The following AR variants were observed in gnomAD, a reference collection of about 807,000 sequenced individuals.
AR encodes the protein dihydrotestosterone receptor.
In AR, 8 loss-of-function variants were observed where a neutral mutation model predicts 53.9. The observed-to-expected ratio is 0.15, with a 90% CI of 0.09 to 0.27. The LOEUF is 0.27. Among genes scored for constraint, AR ranks in the 10% least tolerant of loss-of-function variants. AR has a pLI of 1.00. For synonymous variants in AR, 359 were observed against 316.4 expected, an observed-to-expected ratio of 1.13 and a Z score of -1.43; for missense variants, 639 against 742.5, an observed-to-expected ratio of 0.86 and a Z score of 1.62.
chrX:67,554,074 C>T lies in AR; in HGVS notation c.1616+7312C>T, dbSNP rs185884999. On this transcript the variant is annotated intron_variant, in intron 1 of 7. Transcript: ENST00000374690. ...TCGAACTGGTAATCCCATCCCCTTTCGGGATGAATAGGAGAGTGTTTTTAA... is the reference window on the plus strand; with the variant it reads ...TCGAACTGGTAATCCCATCCCCTTTTGGGATGAATAGGAGAGTGTTTTTAA... Among the ~76,000 whole-genome samples the T allele has an allele frequency of 1.4e-4, 16 of 112,049 alleles. No homozygotes were observed. The East Asian group carries it at 3.7e-3, about 26-fold the overall frequency.
At chrX:67,666,148 A>G (rs781020780) in intron 2 of AR, among the ~76,000 whole-genome samples, 1 of 111,096 alleles carries the variant, frequency 9.0e-6, no homozygotes, top group Non-Finnish European at 1.9e-5. Context: ...GCTATCAAAT[A>G]CTAGATCTTA....
At position 67,711,085 on chromosome X, in the gene AR, G is replaced by A. The variant is rs191860976; in HGVS notation, c.1886-317G>A. Among the ~76,000 whole-genome samples the A allele has an allele frequency of 2.3e-3, 262 of 111,941 alleles. 1 individual carries two copies. The highest frequency in any genetic ancestry group is 4.6e-3 in the Middle Eastern group (1 of 217). On this transcript the variant is annotated intron_variant, in intron 3 of 7. Coordinates refer to ENST00000374690, the MANE Select transcript of AR (RefSeq NM_000044.6). ...GAATCATTAATATATTAGTAAATAC[G>A]TTAATTAAAGTTCCAGGTATGAATA...
chrX:67,562,185 A>G (rs748296621), intron 1 of AR, among the ~76,000 whole-genome samples: 6 of 109,288 alleles, frequency 5.5e-5, no homozygotes, highest in Non-Finnish European at 1.1e-4. Flanking sequence ...GCTGGTCTCA[A>G]ACTCCTGACT....
chrX:67,671,484 G>A (rs771518231), intron 2 of AR, among the ~76,000 whole-genome samples: 16 of 112,303 alleles, frequency 1.4e-4, no homozygotes, highest in Non-Finnish European at 3.0e-4. Flanking sequence ...GTTCCTTGTC[G>A]ATTCTGGATA....
intron 1 of AR, among the ~76,000 whole-genome samples, chrX:67,572,943 C>A (rs1212397757): frequency 2.7e-5 from 3 of 111,665 alleles, no homozygotes; most frequent in Non-Finnish European, 5.7e-5. Context: ...TTAATGCTCA[C>A]AATAGCCGAA....
chrX:67,612,956 TC>T (rs890312067), intron 1 of AR, among the ~76,000 whole-genome samples: 1 of 111,449 alleles, frequency 9.0e-6, no homozygotes, highest in African/African-American at 3.3e-5. Flanking sequence ...CTCTTTTTTT[TC>T]CCCCAGCCCT....
intron 2 of AR, among the ~76,000 whole-genome samples, chrX:67,679,213 A>C (rs1261884031): frequency 2.7e-5 from 3 of 111,347 alleles, no homozygotes; most frequent in Non-Finnish European, 5.7e-5. Flanking sequence ...TAAGGCCTTA[A>C]GTATTAAAGT....
chrX:67,661,934 C>A (rs1231303000), intron 2 of AR, among the ~76,000 whole-genome samples: 1 of 111,625 alleles, frequency 9.0e-6, no homozygotes, highest in Non-Finnish European at 1.9e-5. Flanking sequence ...GTGTATGTGT[C>A]GAGGAATTTA....
chrX:67,707,053 G>C (rs888182360), intron 3 of AR, among the ~76,000 whole-genome samples: 1 of 111,921 alleles, frequency 8.9e-6, no homozygotes, highest in Non-Finnish European at 1.9e-5. Context: ...TTGCTGAGGA[G>C]TGTTTTACTT....
intron 1 of AR, among the ~76,000 whole-genome samples, chrX:67,635,861 C>T (rs1925406123): frequency 9.0e-6 from 1 of 111,344 alleles, no homozygotes; most frequent in Non-Finnish European, 1.9e-5. Context: ...TAAGAAAAAA[C>T]ACAATGTCAC....
chrX:67,554,915 CAAAAA>C (rs749297941), intron 1 of AR, among the ~76,000 whole-genome samples: 2 of 57,071 alleles, frequency 3.5e-5, no homozygotes. Flanking sequence ...CAGGCTCCGT[CAAAAA>C]AAAAAAAAAA....
chrX:67,682,441 C>T (rs774907758), intron 2 of AR, among the ~76,000 whole-genome samples: 5 of 109,629 alleles, frequency 4.6e-5, no homozygotes, highest in African/African-American at 6.7e-5. Context: ...CACACCACCA[C>T]ACCTAGCTAA....
At chrX:67,616,728 T>A (rs960389468) in intron 1 of AR, among the ~76,000 whole-genome samples, 7 of 111,479 alleles carry the variant, frequency 6.3e-5, no homozygotes, top group Non-Finnish European at 1.1e-4. Context: ...CATTTATTCA[T>A]AGCTTCCATA....
chrX:67,703,652 A>AT (rs2076052183), intron 3 of AR, among the ~76,000 whole-genome samples: 1 of 111,760 alleles, frequency 8.9e-6, no homozygotes, highest in Non-Finnish European at 1.9e-5. Flanking sequence ...TTTTTTAAAT[A>AT]TTTTTTATTA....
intron 4 of AR, among the ~76,000 whole-genome samples, chrX:67,712,662 A>T: frequency 8.9e-6 from 1 of 112,113 alleles, no homozygotes; most frequent in Non-Finnish European, 1.9e-5. Flanking sequence ...TATCCCAGGG[A>T]AGCCCTAGGT....
chrX:67,598,657 G>C lies in AR; in HGVS notation c.1617-44599G>C, dbSNP rs185339640. 6.3e-5 allele frequency among the ~76,000 whole-genome samples: 7 copies of C among 111,102 alleles called. No individual in the cohort carries two copies. In the East Asian group the frequency reaches 2.0e-3, roughly 31 times the overall value. ...TCTTTGCTTAATATACCCATAATAAGGGTACCTATTTGCCTTTGGACCATT... is the reference window on the plus strand; with the variant it reads ...TCTTTGCTTAATATACCCATAATAACGGTACCTATTTGCCTTTGGACCATT... On this transcript the variant is annotated intron_variant, in intron 1 of 7. Transcript: ENST00000374690.
chrX:67,666,105 ATAAAT>A (rs1272507834), intron 2 of AR, among the ~76,000 whole-genome samples: 1 of 110,985 alleles, frequency 9.0e-6, no homozygotes, highest in Non-Finnish European at 1.9e-5. Flanking sequence ...AAGATGTATA[ATAAAT>A]TATTGTTGAC....
intron 1 of AR, among the ~76,000 whole-genome samples, chrX:67,621,884 A>G (rs1165115215): frequency 8.9e-6 from 1 of 111,990 alleles, no homozygotes; most frequent in Non-Finnish European, 1.9e-5. Context: ...GATAGTCAAC[A>G]AGAGACAATG....
At chrX:67,700,007 C>A (rs1017395768) in intron 3 of AR, among the ~76,000 whole-genome samples, 1 of 111,087 alleles carries the variant, frequency 9.0e-6, no homozygotes, top group Non-Finnish European at 1.9e-5. Flanking sequence ...TAGATAGCTC[C>A]CACAGGGGTC....
Sources: allele counts gnomAD v4.1 joint callset (sites outside exome capture counted in the v4.1 genomes callset), GRCh38; gene constraint gnomAD v4.1.1; transcripts MANE v1.5; gene names NCBI Gene and HGNC (gene_info 2026-07-23, HGNC 2026-07-21).